NELL1: variants seen among roughly 807,000 people sequenced by gnomAD.
The protein encoded by NELL1 is protein kinase C-binding protein NELL1.
In NELL1, 76 loss-of-function variants were observed where a neutral mutation model predicts 107.4. The observed-to-expected ratio is 0.71, with a 90% CI of 0.59 to 0.86. The LOEUF is 0.86. Among genes scored for constraint, NELL1 ranks in the 40% least tolerant of loss-of-function variants. NELL1 has a pLI of 0.00. For synonymous variants in NELL1, 353 were observed against 341.2 expected (o/e 1.03, Z -0.38); for missense variants, 1,024 against 1,005.5 (o/e 1.02, Z -0.25).
At chr11:21,452,122 GAGA>G (rs1416364018) in intron 15 of NELL1, among the ~76,000 whole-genome samples, 1 of 152,134 alleles carries the variant, frequency 6.6e-6, no homozygotes, top group Non-Finnish European at 1.5e-5. Flanking sequence ...GAAAAGAAAA[GAGA>G]AGGAGAGAGG....
intron 14 of NELL1, among the ~76,000 whole-genome samples, chr11:21,270,624 G>T (rs1848720232): frequency 6.6e-6 from 1 of 152,092 alleles, no homozygotes; most frequent in Non-Finnish European, 1.5e-5. Flanking sequence ...AACAGAGTCT[G>T]CTGGCAGAAA....
chr11:21,161,910 G>A (rs1187007202), intron 13 of NELL1, among the ~76,000 whole-genome samples: 2 of 135,860 alleles, frequency 1.5e-5, no homozygotes, highest in Admixed American at 7.3e-5. Flanking sequence ...TACAGTAAAA[G>A]TTCCCTCTCC....
intron 12 of NELL1, among the ~76,000 whole-genome samples, chr11:21,042,850 G>A (rs1177188949): frequency 6.6e-6 from 1 of 152,006 alleles, no homozygotes; most frequent in Non-Finnish European, 1.5e-5. Flanking sequence ...TATTACCATG[G>A]CAGTAGCTGT....
intron 16 of NELL1, among the ~76,000 whole-genome samples, chr11:21,543,951 A>T (rs760931704): frequency 6.6e-6 from 1 of 151,996 alleles, no homozygotes; most frequent in African/African-American, 2.4e-5. Flanking sequence ...AGTCTAACAG[A>T]ACCTCAGATG....
chr11:21,481,331 G>C (rs967859541), intron 15 of NELL1, among the ~76,000 whole-genome samples: 1 of 152,114 alleles, frequency 6.6e-6, no homozygotes, highest in Non-Finnish European at 1.5e-5. Context: ...GCTCAGAAAA[G>C]AGCAGTGAAA....
intron 4 of NELL1, among the ~76,000 whole-genome samples, chr11:20,878,379 G>T (rs199587490): frequency 6.2e-5 from 5 of 80,482 alleles, no homozygotes; most frequent in Non-Finnish European, 6.4e-5. Flanking sequence ...AAAAAAAAAA[G>T]ATGCCATTTG....
At chr11:21,060,447 A>T (rs1853712139) in intron 12 of NELL1, among the ~76,000 whole-genome samples, 2 of 152,166 alleles carry the variant, frequency 1.3e-5, no homozygotes, top group African/African-American at 2.4e-5. Flanking sequence ...CTATGCCATC[A>T]TTATTATGGG....
intron 3 of NELL1, among the ~76,000 whole-genome samples, chr11:20,822,334 G>A (rs568965510): frequency 3.3e-5 from 5 of 152,306 alleles, no homozygotes; most frequent in African/African-American, 1.2e-4. Flanking sequence ...CAAATAGATG[G>A]TATAGCAGAT....
intron 12 of NELL1, among the ~76,000 whole-genome samples, chr11:21,089,462 G>A (rs1028002611): frequency 3.3e-5 from 5 of 152,140 alleles, no homozygotes; most frequent in African/African-American, 1.2e-4. Flanking sequence ...GGTTTCTTAT[G>A]GACAGCAATG....
chr11:21,450,628 A>C (rs914636949), intron 15 of NELL1, among the ~76,000 whole-genome samples: 1 of 152,212 alleles, frequency 6.6e-6, no homozygotes, highest in Admixed American at 6.5e-5. Flanking sequence ...GTTATTGTAC[A>C]TACAGATTTC....
intron 13 of NELL1, among the ~76,000 whole-genome samples, chr11:21,147,324 T>C (rs1372366165): frequency 6.6e-6 from 1 of 152,192 alleles, no homozygotes; most frequent in Non-Finnish European, 1.5e-5. Flanking sequence ...GTGGGAGATG[T>C]AATGTGCCGC....
At chr11:21,165,758 C>CTTTTT (rs34509347) in intron 13 of NELL1, among the ~76,000 whole-genome samples, 3 of 98,510 alleles carry the variant, frequency 3.0e-5, no homozygotes, top group Admixed American at 1.2e-4. Flanking sequence ...ACAATGAGAT[C>CTTTTT]TTTTTTTTTT....
At chr11:21,564,908 C>T (rs113516242) in intron 17 of NELL1, among the ~76,000 whole-genome samples, 3 of 151,952 alleles carry the variant, frequency 2.0e-5, no homozygotes, top group Non-Finnish European at 4.4e-5. Context: ...GTCATGCCAG[C>T]GACACTCTCA....
At chr11:21,251,242 A>G (rs534407258) in intron 14 of NELL1, among the ~76,000 whole-genome samples, 1 of 152,276 alleles carries the variant, frequency 6.6e-6, no homozygotes, top group South Asian at 2.1e-4. Context: ...AGATACCTGT[A>G]TGACAGTATG....
At chr11:20,736,937 T>C (rs1855775672) in intron 2 of NELL1, among the ~76,000 whole-genome samples, 1 of 151,972 alleles carries the variant, frequency 6.6e-6, no homozygotes, top group Non-Finnish European at 1.5e-5. Flanking sequence ...GTGTTTTTTA[T>C]AGATACGGGG....
intron 2 of NELL1, among the ~76,000 whole-genome samples, chr11:20,705,082 A>G (rs1378569180): frequency 6.6e-6 from 1 of 152,192 alleles, no homozygotes; most frequent in Non-Finnish European, 1.5e-5. Context: ...AAATGGCCAT[A>G]CTGCCCAAGG....
At chr11:21,280,128 TGGTGGATACC>T (rs1848960357) in intron 14 of NELL1, among the ~76,000 whole-genome samples, 1 of 152,170 alleles carries the variant, frequency 6.6e-6, no homozygotes, top group African/African-American at 2.4e-5. Flanking sequence ...GATACTACAA[TGGTGGATACC>T]TATCATTATA....
intron 12 of NELL1, among the ~76,000 whole-genome samples, chr11:20,972,991 C>A (rs574754550): frequency 6.6e-6 from 1 of 151,634 alleles, no homozygotes; most frequent in Non-Finnish European, 1.5e-5. Context: ...CTGGCTATTT[C>A]ATCTTTATCA....
At chr11:20,857,032 C>T (rs1848894319) in intron 4 of NELL1, among the ~76,000 whole-genome samples, 1 of 152,204 alleles carries the variant, frequency 6.6e-6, no homozygotes, top group African/African-American at 2.4e-5. Flanking sequence ...GTTATATAAT[C>T]ACAGCCATAA....
Sources: gnomAD v4.1 joint callset for allele counts (sites outside exome capture counted in the v4.1 genomes callset) on GRCh38, gnomAD v4.1.1 for gene constraint, MANE v1.5 for transcripts, NCBI Gene and HGNC (gene_info 2026-07-23, HGNC 2026-07-21) for gene names.